Variants in PTCHD4 observed in about 807,000 individuals in gnomAD.
PTCHD4 encodes the protein patched domain-containing protein 4.
PTCHD4 carries 33 observed loss-of-function variants against 58.1 expected under a neutral mutation model. That is an observed-to-expected ratio of 0.57 (90% CI 0.43 to 0.76). The LOEUF (loss-of-function observed/expected upper bound fraction) is 0.76, where lower values mean the gene tolerates loss of function less well. Ranked by LOEUF, PTCHD4 falls within the 30% of genes least tolerant of loss-of-function variation. The pLI is 0.00. For missense variants in PTCHD4, 1,058 were observed against 1,027.1 expected (o/e 1.03, Z -0.41); for synonymous variants, 478 against 409.6 (o/e 1.17, Z -2.02).
At chr6:48,029,763 G>T (rs1189611474) in intron 3 of PTCHD4, among the ~76,000 whole-genome samples, 1 of 152,000 alleles carries the variant, frequency 6.6e-6, no homozygotes, top group African/African-American at 2.4e-5. Flanking sequence ...TAGAAACAAT[G>T]GTTACATTAC....
At chr6:48,050,356 T>C (rs1470877655) in intron 3 of PTCHD4, among the ~76,000 whole-genome samples, 1 of 152,026 alleles carries the variant, frequency 6.6e-6, no homozygotes, top group African/African-American at 2.4e-5. Flanking sequence ...CCTTTTCCAC[T>C]TTTAATCTTG....
chr6:48,082,579 A>G (rs986167809), intron 1 of PTCHD4, among the ~76,000 whole-genome samples: 13 of 152,126 alleles, frequency 8.5e-5, no homozygotes, highest in African/African-American at 3.1e-4. Context: ...ACATCTTCCT[A>G]CTTTCAGTTA....
chr6:48,013,134 G>C (rs1762742758), intron 3 of PTCHD4, among the ~76,000 whole-genome samples: 1 of 152,024 alleles, frequency 6.6e-6, no homozygotes, highest in Non-Finnish European at 1.5e-5. Flanking sequence ...GTTTGGAGTA[G>C]TTTCAGAAGG....
At chr6:47,913,096 T>C (rs568975477) in intron 4 of PTCHD4, among the ~76,000 whole-genome samples, 16 of 152,220 alleles carry the variant, frequency 1.1e-4, no homozygotes, top group Admixed American at 6.5e-5. Flanking sequence ...TCATTCTGTT[T>C]GGATCCTGGG....
chr6:47,875,261 A>G lies in PTCHD4; in HGVS notation c.*3042T>C, dbSNP rs1016482473. 6.6e-6 allele frequency among the ~76,000 whole-genome samples: 1 copy of G among 151,854 alleles called. No individual in the cohort carries two copies. The highest frequency in any genetic ancestry group is 1.5e-5 in the Non-Finnish European group (1 of 67,852). On this transcript the variant is annotated 3_prime_UTR_variant, in exon 5 of 5. Transcript: ENST00000339488. The stretch of plus-strand genomic sequence containing the variant: ...CATTAGTACTTCATAAATGAACAAA[A>G]CAATGAGTGCAAACTGGAAAAACTA...
intron 4 of PTCHD4, among the ~76,000 whole-genome samples, chr6:47,908,569 G>A (rs1764973800): frequency 6.6e-6 from 1 of 152,130 alleles, no homozygotes; most frequent in Non-Finnish European, 1.5e-5. Context: ...ATGCCCAAAG[G>A]AGTCTGTGAG....
rs141629864 is a variant in PTCHD4, at chr6:48,079,970, A to ATTTTTT, written c.-969-10050_-969-10045dup. Reference sequence around the variant, plus strand: ...ATTCAAAACCCTGCCCCTTATGATGATTTTTTTTTTTTTTTTTTTTTTTTT... The same window carrying ATTTTTT: ...ATTCAAAACCCTGCCCCTTATGATGATTTTTTTTTTTTTTTTTTTTTTTTTTTTTTT... On this transcript the variant is annotated intron_variant, in intron 1 of 4. Transcript: ENST00000339488. 1.2e-3 allele frequency among the ~76,000 whole-genome samples: 88 copies of ATTTTTT among 76,122 alleles called. 12 individuals are homozygous for ATTTTTT. The highest frequency in any genetic ancestry group is 2.5e-3 in the African/African-American group (53 of 21,018). 49.9% of individuals were successfully genotyped at this position (76,122 alleles called of 152,430 possible). A position where few individuals can be genotyped will look rare whatever the true frequency, so the allele number is the denominator to read the frequency against.
chr6:48,048,873 C>A (rs332559), intron 3 of PTCHD4, among the ~76,000 whole-genome samples: 5 of 151,868 alleles, frequency 3.3e-5, no homozygotes, highest in Non-Finnish European at 5.9e-5. Context: ...TTCTTAGTGG[C>A]TTTCACTGGG....
chr6:47,856,728 C>T lies in PTCHD4; in HGVS notation c.*21575G>A, dbSNP rs988296339. ...CAGACTCCTCTGATTATAAAAATTA[C>T]ACAAGCTAATAAATCTTGGTAAGTT... is the stretch of plus-strand genomic sequence containing the variant. On this transcript the variant is annotated 3_prime_UTR_variant, in exon 5 of 5. Transcript: ENST00000339488. Among the ~76,000 whole-genome samples the T allele has an allele frequency of 2.3e-4, 35 of 152,078 alleles. No homozygotes were observed. The highest frequency in any genetic ancestry group is 7.7e-4 in the African/African-American group (32 of 41,508).
rs141629864 is a variant in PTCHD4, at chr6:48,079,970, A to ATTTTTTTT, written c.-969-10052_-969-10045dup. Among the ~76,000 whole-genome samples the ATTTTTTTT allele has an allele frequency of 2.4e-4, 18 of 76,142 alleles. 3 individuals are homozygous for ATTTTTTTT. Among genetic ancestry groups the ATTTTTTTT allele is most frequent in the African/African-American group, 4.3e-4 (9 of 21,032 alleles). The allele number at this position is 76,142 out of a possible 152,430, so 50.0% of individuals were successfully genotyped here. On this transcript the variant is annotated intron_variant, in intron 1 of 4. Coordinates refer to ENST00000339488, the MANE Select transcript of PTCHD4 (RefSeq NM_001384253.1). ...ATTCAAAACCCTGCCCCTTATGATG[A>ATTTTTTTT]TTTTTTTTTTTTTTTTTTTTTTTTT...
chr6:48,102,323 A>T (rs1360143106), intron 1 of PTCHD4, among the ~76,000 whole-genome samples: 1 of 152,258 alleles, frequency 6.6e-6, no homozygotes, highest in Non-Finnish European at 1.5e-5. Context: ...AGTTGCCTAA[A>T]GTCTTACAAA....
chr6:47,950,037 C>A (rs1278284869), intron 4 of PTCHD4, among the ~76,000 whole-genome samples: 1 of 128,282 alleles, frequency 7.8e-6, no homozygotes, highest in Admixed American at 8.2e-5. Flanking sequence ...CCCCTCCCCC[C>A]ACCCCACAAC....
chr6:48,007,556 T>C (rs567908771), intron 4 of PTCHD4, among the ~76,000 whole-genome samples: 30 of 152,348 alleles, frequency 2.0e-4, no homozygotes, highest in Non-Finnish European at 4.1e-4. Flanking sequence ...GGACATATAT[T>C]ACAATCCAGC....
At chr6:47,949,307 C>A (rs1214596867) in intron 4 of PTCHD4, among the ~76,000 whole-genome samples, 2 of 152,158 alleles carry the variant, frequency 1.3e-5, no homozygotes, top group African/African-American at 4.8e-5. Context: ...TGCTGAACAC[C>A]TGCAGGCTTA....
rs993056233 is a variant in PTCHD4, at chr6:47,875,180, C to T, written c.*3123G>A. On this transcript the variant is annotated 3_prime_UTR_variant, in exon 5 of 5. Coordinates refer to ENST00000339488, the MANE Select transcript of PTCHD4 (RefSeq NM_001384253.1). ...AACATATTTCCCACAAATTTCTTCT[C>T]TTCTAGGAGTTGATTGGTCATCTGC... Among the ~76,000 whole-genome samples, 1 of 151,878 alleles carries T rather than the reference C, an allele frequency of 6.6e-6. No individual in the cohort carries two copies. The highest frequency in any genetic ancestry group is 2.4e-5 in the African/African-American group (1 of 41,404).
At chr6:48,004,342 A>G (rs1443674415) in intron 4 of PTCHD4, among the ~76,000 whole-genome samples, 1 of 152,202 alleles carries the variant, frequency 6.6e-6, no homozygotes, top group Non-Finnish European at 1.5e-5. Context: ...ACGCAGACTC[A>G]GAATGGACAA....
chr6:48,037,657 G>T (rs1763687731), intron 3 of PTCHD4, among the ~76,000 whole-genome samples: 1 of 152,024 alleles, frequency 6.6e-6, no homozygotes, highest in Non-Finnish European at 1.5e-5. Flanking sequence ...GAAAAAGAAA[G>T]ATCAAAGATT....
rs1763268116 is a variant in PTCHD4, at chr6:48,026,927, T to TTC, written c.418-17814_418-17813insGA. ...ACCTCAATTTGTCCCATTTTTTTTT[T>TTC]TGGTAAGAAATACAATTCAGATAAA... is the stretch of plus-strand genomic sequence containing the variant. On this transcript the variant is annotated intron_variant, in intron 3 of 4. Coordinates refer to ENST00000339488, the MANE Select transcript of PTCHD4 (RefSeq NM_001384253.1). Among the ~76,000 whole-genome samples, 3 of 151,726 alleles carry TTC rather than the reference T, an allele frequency of 2.0e-5. No homozygotes were observed. In the East Asian group the frequency reaches 5.8e-4, roughly 29 times the overall value.
At chr6:48,039,853 C>G (rs1418836217) in intron 3 of PTCHD4, among the ~76,000 whole-genome samples, 1 of 152,072 alleles carries the variant, frequency 6.6e-6, no homozygotes, top group African/African-American at 2.4e-5. Flanking sequence ...GTGATATTTA[C>G]ATATGATATC....
Sources: allele counts gnomAD v4.1 joint callset (sites outside exome capture counted in the v4.1 genomes callset), GRCh38; gene constraint gnomAD v4.1.1; transcripts MANE v1.5; gene names NCBI Gene and HGNC (gene_info 2026-07-23, HGNC 2026-07-21).